ANKRD33B: variants seen among roughly 807,000 people sequenced by gnomAD.
ANKRD33B encodes the protein ankyrin repeat domain-containing protein 33B.
Under a neutral mutation model 21.5 loss-of-function variants are expected in ANKRD33B, and 6 were observed. That is an observed-to-expected ratio of 0.28 (90% CI 0.15 to 0.55). ANKRD33B has a LOEUF of 0.55. Ranked by LOEUF, ANKRD33B falls within the 20% of genes least tolerant of loss-of-function variation. The probability of loss-of-function intolerance (pLI) is 0.94; values close to 1 mark genes in which losing one functional copy is unlikely to be tolerated. For missense variants in ANKRD33B, 698 were observed against 747.2 expected (o/e 0.93, Z 0.77); for synonymous variants, 347 against 342.4 (o/e 1.01, Z -0.15).
At chr5:10,592,001 G>A (rs1735705796) in intron 1 of ANKRD33B, among the ~76,000 whole-genome samples, 1 of 150,270 alleles carries the variant, frequency 6.7e-6, no homozygotes, top group South Asian at 2.1e-4. Context: ...TAGGATATAA[G>A]TATGTATGTA....
At chr5:10,646,499 G>T (rs947444075) in intron 3 of ANKRD33B, among the ~76,000 whole-genome samples, 1 of 152,116 alleles carries the variant, frequency 6.6e-6, no homozygotes, top group Admixed American at 6.6e-5. Flanking sequence ...TATTTTCTGA[G>T]ATCATTTTGA....
At chr5:10,604,385 G>A (rs1032332857) in intron 1 of ANKRD33B, among the ~76,000 whole-genome samples, 1 of 150,160 alleles carries the variant, frequency 6.7e-6, no homozygotes, top group African/African-American at 2.5e-5. Flanking sequence ...TAGAGATGGG[G>A]TTTCGCCATG....
intron 1 of ANKRD33B, among the ~76,000 whole-genome samples, chr5:10,571,325 CT>C (rs1291409867): frequency 7.2e-5 from 11 of 152,164 alleles, no homozygotes. Context: ...CCTCAGCCTC[CT>C]GAGTAGCTGG....
At chr5:10,620,147 A>C (rs1332615459) in intron 2 of ANKRD33B, among the ~76,000 whole-genome samples, 1 of 152,020 alleles carries the variant, frequency 6.6e-6, no homozygotes, top group East Asian at 1.9e-4. Context: ...GACAGGGGTG[A>C]GAGGATCCCA....
intron 1 of ANKRD33B, among the ~76,000 whole-genome samples, chr5:10,600,498 GTTC>G (rs1735906308): frequency 6.6e-6 from 1 of 152,212 alleles, no homozygotes; most frequent in East Asian, 1.9e-4. Flanking sequence ...TCAGGATTTT[GTTC>G]TTCTTTTGTT....
intron 2 of ANKRD33B, among the ~76,000 whole-genome samples, chr5:10,631,487 GAA>G (rs1188750786): frequency 6.6e-6 from 1 of 152,226 alleles, no homozygotes; most frequent in Non-Finnish European, 1.5e-5. Context: ...AACTTGGAAA[GAA>G]GAGCTTTCTT....
chr5:10,622,414 GT>G (rs1736440838), intron 2 of ANKRD33B, among the ~76,000 whole-genome samples: 1 of 151,880 alleles, frequency 6.6e-6, no homozygotes, highest in Admixed American at 6.6e-5. Context: ...ATATTTCTTT[GT>G]GGTTGTTTTC....
At chr5:10,635,082 C>A (rs183665635) in intron 2 of ANKRD33B, among the ~76,000 whole-genome samples, 73 of 151,978 alleles carry the variant, frequency 4.8e-4, no homozygotes, top group Non-Finnish European at 5.1e-4. Context: ...CAACATAATA[C>A]GCAGAACAGA....
intron 2 of ANKRD33B, among the ~76,000 whole-genome samples, chr5:10,637,790 C>T (rs918429247): frequency 6.6e-6 from 1 of 152,072 alleles, no homozygotes; most frequent in Non-Finnish European, 1.5e-5. Context: ...AGTGCTTTGC[C>T]GAAGGGGACC....
intron 1 of ANKRD33B, among the ~76,000 whole-genome samples, chr5:10,577,094 C>T (rs71599537): frequency 6.7e-6 from 1 of 149,010 alleles, no homozygotes; most frequent in Non-Finnish European, 1.5e-5. Context: ...TTCCCTTTCC[C>T]TTCCCCTTCC....
intron 1 of ANKRD33B, among the ~76,000 whole-genome samples, chr5:10,591,525 G>T (rs1488243370): frequency 7.2e-6 from 1 of 138,202 alleles, no homozygotes; most frequent in East Asian, 2.3e-4. Context: ...TTCAGCCTGA[G>T]ATGTGAGATA....
intron 1 of ANKRD33B, among the ~76,000 whole-genome samples, chr5:10,592,624 C>CAAA (rs35505524): frequency 1.5e-5 from 2 of 134,994 alleles, no homozygotes; most frequent in Admixed American, 7.4e-5. Context: ...GAGACTCTGT[C>CAAA]AAAAAAAAAA....
intron 2 of ANKRD33B, among the ~76,000 whole-genome samples, chr5:10,631,890 G>A (rs531419471): frequency 1.3e-5 from 2 of 152,348 alleles, no homozygotes; most frequent in Admixed American, 6.5e-5. Context: ...TCATGAGGAC[G>A]GAATGCTGGT....
chr5:10,611,580 C>T (rs1736173232), intron 1 of ANKRD33B, among the ~76,000 whole-genome samples: 1 of 152,172 alleles, frequency 6.6e-6, no homozygotes, highest in Non-Finnish European at 1.5e-5. Context: ...TGGGGCCACA[C>T]CCTGTAGGGA....
intron 3 of ANKRD33B, among the ~76,000 whole-genome samples, chr5:10,638,536 G>C (rs1245582850): frequency 6.6e-6 from 1 of 152,250 alleles, no homozygotes; most frequent in Non-Finnish European, 1.5e-5. Context: ...GAAGGTGGGC[G>C]TAGGGATGGT....
intron 2 of ANKRD33B, among the ~76,000 whole-genome samples, chr5:10,620,612 G>A (rs895588660): frequency 2.0e-5 from 3 of 152,168 alleles, no homozygotes; most frequent in African/African-American, 4.8e-5. Context: ...ATACCCATGA[G>A]GTGCTTTCCA....
At chr5:10,627,863 C>A (rs1052232576) in intron 2 of ANKRD33B, 1 of 152,262 alleles carries the variant, frequency 6.6e-6, no homozygotes, top group Non-Finnish European at 1.5e-5. Flanking sequence ...CACACCCCTG[C>A]CCGCTGGCCA....
chr5:10,566,434 T>TG lies in ANKRD33B; in HGVS notation c.366+1606dup, dbSNP rs1481007994. On this transcript the variant is annotated intron_variant, in intron 1 of 3. Coordinates refer to ENST00000296657, the MANE Select transcript of ANKRD33B (RefSeq NM_001164440.2). Reference sequence around the variant, plus strand: ...AAACCTTGCTTTCTGGAAGCCAGTATGGGGGCCCGCTTTAAAGGAAGCCTC... The same window carrying TG: ...AAACCTTGCTTTCTGGAAGCCAGTATGGGGGGCCCGCTTTAAAGGAAGCCTC... 3.9e-5 allele frequency among the ~76,000 whole-genome samples: 6 copies of TG among 152,086 alleles called. No homozygotes were observed. In the East Asian group the frequency reaches 1.2e-3, roughly 29 times the overall value.
chr5:10,592,915 T>A (rs1735728589), intron 1 of ANKRD33B, among the ~76,000 whole-genome samples: 2 of 152,178 alleles, frequency 1.3e-5, no homozygotes, highest in Non-Finnish European at 2.9e-5. Context: ...CCACCCATCC[T>A]TTTTCATATG....
Sources: gnomAD v4.1 joint callset for allele counts (sites outside exome capture counted in the v4.1 genomes callset) on GRCh38, gnomAD v4.1.1 for gene constraint, MANE v1.5 for transcripts, NCBI Gene and HGNC (gene_info 2026-07-23, HGNC 2026-07-21) for gene names.